CSGALNACT1: variants seen among roughly 807,000 people sequenced by gnomAD.
CSGALNACT1 encodes the protein chondroitin sulfate N-acetylgalactosaminyltransferase 1, also known as beta4GalNAcT-1.
CSGALNACT1 carries 52 observed loss-of-function variants against 51.0 expected under a neutral mutation model. The ratio of observed to expected loss-of-function variants is 1.02; its 90% CI spans 0.82 to 1.29. The LOEUF (loss-of-function observed/expected upper bound fraction) is 1.29. Among genes scored for constraint, CSGALNACT1 ranks in the 50% most tolerant of loss-of-function variants. The pLI, the probability that CSGALNACT1 is intolerant of heterozygous loss-of-function variation, is 0.00. For missense variants in CSGALNACT1, 935 were observed against 679.2 expected (o/e 1.38, Z -4.19); for synonymous variants, 341 against 254.4 (o/e 1.34, Z -3.24).
At chr8:19,532,691 G>C (rs953802190) in intron 3 of CSGALNACT1, among the ~76,000 whole-genome samples, 18 of 152,164 alleles carry the variant, frequency 1.2e-4, no homozygotes, top group Admixed American at 1.1e-3. Flanking sequence ...CGAGTACTCA[G>C]ATGGCAGAAG....
At chr8:19,422,215 G>A (rs1465720949) in intron 6 of CSGALNACT1, among the ~76,000 whole-genome samples, 7 of 151,698 alleles carry the variant, frequency 4.6e-5, no homozygotes, top group African/African-American at 1.2e-4. Context: ...TTAGAGACAG[G>A]GTCTTGCTCT....
intron 1 of CSGALNACT1, among the ~76,000 whole-genome samples, chr8:19,649,845 A>AAAAAAAAAAAC (rs1564347663): frequency 3.5e-5 from 5 of 143,510 alleles, no homozygotes; most frequent in East Asian, 2.2e-4. Context: ...AAAAAAAAAA[A>AAAAAAAAAAAC]CCACGGGGGG....
At chr8:19,644,747 A>G (rs1203946155) in intron 1 of CSGALNACT1, among the ~76,000 whole-genome samples, 1 of 150,678 alleles carries the variant, frequency 6.6e-6, no homozygotes, top group Non-Finnish European at 1.5e-5. Context: ...GAGGAAACAT[A>G]GCTAGTCATC....
intron 1 of CSGALNACT1, among the ~76,000 whole-genome samples, chr8:19,624,126 G>A (rs146236887): frequency 1.6e-3 from 241 of 152,164 alleles, no homozygotes; most frequent in African/African-American, 5.2e-3. Context: ...GCCCACCATC[G>A]GTCCCTAGAC....
intron 4 of CSGALNACT1, among the ~76,000 whole-genome samples, chr8:19,504,012 CAG>C (rs1196803553): frequency 1.4e-4 from 21 of 152,184 alleles, no homozygotes; most frequent in Admixed American, 1.2e-3. Context: ...GCCCATGAGA[CAG>C]TGGTTGTATA....
chr8:19,710,221 G>T lies in CSGALNACT1; in HGVS notation c.-297+47629C>A, dbSNP rs1035906911. Among the ~76,000 whole-genome samples the T allele has an allele frequency of 4.6e-5, 7 of 152,216 alleles. No individual in the cohort carries two copies. The South Asian group carries it at 8.3e-4, about 18-fold the overall frequency. ...AATTTTCTCTGTCATTCCATAAAAC[G>T]CATAATTAAAAATTAACACAGCATG... On this transcript the variant is annotated intron_variant, in intron 1 of 1. Transcript: ENST00000517494.
At chr8:19,670,877 G>A (rs1004032520) in intron 1 of CSGALNACT1, among the ~76,000 whole-genome samples, 3 of 152,118 alleles carry the variant, frequency 2.0e-5, no homozygotes, top group African/African-American at 7.2e-5. Flanking sequence ...CTCCCCTGAA[G>A]CCCAGCTCCA....
intron 1 of CSGALNACT1, among the ~76,000 whole-genome samples, chr8:19,609,735 G>T (rs190511412): frequency 2.9e-4 from 44 of 151,952 alleles, no homozygotes; most frequent in South Asian, 1.5e-3. Flanking sequence ...CCTTTTCTGG[G>T]GATGTATATA....
chr8:19,755,454 G>GACAAAAAAAAA (rs1392612304), intron 1 of CSGALNACT1, among the ~76,000 whole-genome samples: 1 of 8,358 alleles, frequency 1.2e-4, no homozygotes, highest in Non-Finnish European at 2.8e-4. Flanking sequence ...TGTAAAGAAA[G>GACAAAAAAAAA]ACAAAAAAAA....
chr8:19,406,170 G>C lies in CSGALNACT1; in HGVS notation c.1310-101C>G, dbSNP rs878865135. 3.0e-6 allele frequency: 4 copies of C among 1,340,332 alleles called. No individual in the cohort carries two copies. In the South Asian group the frequency reaches 3.5e-5, roughly 12 times the overall value. The allele number at this position is 1,340,332 out of a possible 1,614,324, so 83.0% of individuals were successfully genotyped here. A position where few individuals can be genotyped will look rare whatever the true frequency, so the allele number is the denominator to read the frequency against. On this transcript the variant is annotated intron_variant, in intron 9 of 9. Transcript: ENST00000454498. ...CTTTTCATTAAGACATGACTGGGGG[G>C]GATGCGTGCTTCACCACCACCCCTC...
At chr8:19,507,174 A>T (rs1451962953) in intron 3 of CSGALNACT1, among the ~76,000 whole-genome samples, 1 of 152,204 alleles carries the variant, frequency 6.6e-6, no homozygotes, top group African/African-American at 2.4e-5. Flanking sequence ...CAGACAGGAG[A>T]TGAATTTATC....
chr8:19,631,064 T>C (rs538543793), intron 1 of CSGALNACT1, among the ~76,000 whole-genome samples: 2 of 152,202 alleles, frequency 1.3e-5, no homozygotes, highest in Non-Finnish European at 2.9e-5. Context: ...AACAGACCAT[T>C]TGTATGACCA....
chr8:19,644,241 T>C (rs182943759), intron 1 of CSGALNACT1, among the ~76,000 whole-genome samples: 67 of 152,234 alleles, frequency 4.4e-4, no homozygotes, highest in African/African-American at 1.5e-3. Context: ...GTGATCATCA[T>C]TGTAACGTTA....
chr8:19,702,108 A>T (rs2061912961), intron 1 of CSGALNACT1, among the ~76,000 whole-genome samples: 1 of 152,154 alleles, frequency 6.6e-6, no homozygotes, highest in Non-Finnish European at 1.5e-5. Flanking sequence ...CTCCTAACAG[A>T]TGCCCTTGTT....
chr8:19,677,591 T>A (rs949006894), intron 1 of CSGALNACT1, among the ~76,000 whole-genome samples: 36 of 152,078 alleles, frequency 2.4e-4, no homozygotes, highest in Non-Finnish European at 4.6e-4. Flanking sequence ...AGGGCCAGAG[T>A]ATGCACATTT....
At chr8:19,669,519 T>C (rs1240459489) in intron 1 of CSGALNACT1, among the ~76,000 whole-genome samples, 6 of 152,232 alleles carry the variant, frequency 3.9e-5, no homozygotes, top group African/African-American at 1.4e-4. Context: ...TGGCACGACC[T>C]TCCTTCACTG....
At chr8:19,474,286 A>G (rs1240463143) in intron 4 of CSGALNACT1, among the ~76,000 whole-genome samples, 32 of 152,220 alleles carry the variant, frequency 2.1e-4, no homozygotes, top group East Asian at 3.8e-4. Flanking sequence ...TGTAGACCCA[A>G]TTCTTCCTCT....
intron 5 of CSGALNACT1, among the ~76,000 whole-genome samples, chr8:19,451,127 A>C (rs115779876): frequency 6.6e-6 from 1 of 152,140 alleles, no homozygotes; most frequent in East Asian, 1.9e-4. Flanking sequence ...TGGTGGTTCA[A>C]TGCTTCTTAA....
chr8:19,674,915 C>G (rs1327787780), intron 1 of CSGALNACT1, among the ~76,000 whole-genome samples: 2 of 152,014 alleles, frequency 1.3e-5, no homozygotes, highest in African/African-American at 4.8e-5. Context: ...GAGTTTCTGG[C>G]CTGAACAATG....
Sources: allele counts gnomAD v4.1 joint callset (sites outside exome capture counted in the v4.1 genomes callset), GRCh38; gene constraint gnomAD v4.1.1; transcripts MANE v1.5; gene names NCBI Gene and HGNC (gene_info 2026-07-23, HGNC 2026-07-21).